The following TERF2 variants were observed in gnomAD, a reference collection of about 807,000 sequenced individuals.
TERF2 encodes the protein telomeric repeat-binding factor 2.
A neutral mutation model predicts 56.1 loss-of-function variants in TERF2; 16 were observed. The ratio of observed to expected loss-of-function variants is 0.29; its 90% CI spans 0.19 to 0.43. TERF2 has a LOEUF of 0.43. Ranked by LOEUF, TERF2 falls within the 20% of genes least tolerant of loss-of-function variation. TERF2 has a pLI of 1.00. For missense variants in TERF2, 547 were observed against 712.9 expected, an observed-to-expected ratio of 0.77 and a Z score of 2.65; for synonymous variants, 296 against 282.1, an observed-to-expected ratio of 1.05 and a Z score of -0.50.
At chr16:69,373,420 T>C (rs2013650164) in intron 3 of TERF2, among the ~76,000 whole-genome samples, 2 of 152,104 alleles carry the variant, frequency 1.3e-5, no homozygotes, top group Non-Finnish European at 1.5e-5. Context: ...TTTTAAAAAT[T>C]AGAAAAGCCA....
chr16:69,368,690 T>G lies in TERF2; in HGVS notation c.841-208A>C, dbSNP rs1032422492. The G allele has an allele frequency of 2.3e-6, 3 of 1,308,850 alleles. No homozygotes were observed. The African/African-American group carries it at 4.4e-5, about 19-fold the overall frequency. The allele number at this position is 1,308,850 out of a possible 1,614,324, so 81.1% of individuals were successfully genotyped here. The stretch of plus-strand genomic sequence containing the variant: ...CAAACTTAAGATAACTAATACATTT[T>G]TTTTGAGAGGGAGTCTTGCTCTGTC... On this transcript the variant is annotated intron_variant, in intron 5 of 9. Coordinates refer to ENST00000254942, the MANE Select transcript of TERF2 (RefSeq NM_005652.5).
intron 3 of TERF2, 55 bp downstream of exon 3, chr16:69,384,525 C>A: frequency 6.3e-7 from 1 of 1,586,298 alleles, no homozygotes; most frequent in Admixed American, 1.8e-5. Context: ...GTGCTGTATC[C>A]TCAAAGACCC....
chr16:69,383,526 C>A (rs999317765), intron 3 of TERF2, among the ~76,000 whole-genome samples: 1 of 152,232 alleles, frequency 6.6e-6, no homozygotes, highest in Non-Finnish European at 1.5e-5. Context: ...CAACCTAAAC[C>A]TGATTTTCCT....
chr16:69,362,406 G>C (rs953327708), intron 7 of TERF2, among the ~76,000 whole-genome samples: 1 of 152,084 alleles, frequency 6.6e-6, no homozygotes. Flanking sequence ...CCCCTAACCA[G>C]GACCGCCTCG....
intron 3 of TERF2, 22 bp from the exon 4 acceptor site, chr16:69,372,377 T>C: frequency 6.6e-7 from 1 of 1,508,700 alleles, no homozygotes; most frequent in Non-Finnish European, 9.1e-7. Flanking sequence ...GGGAAAAATC[T>C]TTTTTTACTT....
intron 2 of TERF2, 43 bp downstream of exon 2, chr16:69,385,348 C>G: frequency 1.3e-6 from 2 of 1,538,406 alleles, no homozygotes; most frequent in Non-Finnish European, 1.8e-6. Flanking sequence ...AAAACAAAAC[C>G]CTACGCAAGT....
intron 3 of TERF2, among the ~76,000 whole-genome samples, chr16:69,379,062 T>C (rs2142760571): frequency 6.6e-6 from 1 of 152,178 alleles, no homozygotes; most frequent in East Asian, 1.9e-4. Context: ...GTATAAGCAA[T>C]ATCAATGGTC....
At chr16:69,366,654 G>A (rs139106154) in intron 7 of TERF2, 153 bp downstream of exon 7, 85 of 1,022,292 alleles carry the variant, frequency 8.3e-5, no homozygotes, top group African/African-American at 8.1e-4. Flanking sequence ...TGGCTACGTC[G>A]TCACTGGCCA....
intron 3 of TERF2, among the ~76,000 whole-genome samples, chr16:69,376,638 G>T (rs1010588889): frequency 6.7e-6 from 1 of 149,308 alleles, no homozygotes; most frequent in Non-Finnish European, 1.5e-5. Context: ...TTGAGCCCAG[G>T]AGTTCAAGAC....
At position 69,385,821 on chromosome 16, in the gene TERF2, C is replaced by T; in HGVS notation, c.151G>A (p.Asp51Asn). 2 of 1,325,858 alleles carry T rather than the reference C, an allele frequency of 1.5e-6. No homozygotes were observed. Among genetic ancestry groups the T allele is most frequent in the Non-Finnish European group, 1.9e-6 (2 of 1,036,960 alleles). The allele number at this position is 1,325,858 out of a possible 1,614,324, so 82.1% of individuals were successfully genotyped here. A position where few individuals can be genotyped will look rare whatever the true frequency, so the allele number is the denominator to read the frequency against. Residue 51 changes from aspartate to asparagine, a missense_variant, in exon 1 of 10, where the codon GAC (aspartate) becomes AAC (asparagine). Around this residue, in one of 6 missense-constraint regions of TERF2, gnomAD observed 120 missense variants for 172.4 expected, o/e 0.70. Coordinates refer to ENST00000254942, the MANE Select transcript of TERF2 (RefSeq NM_005652.5). ...DTMAGGGGSS[D>N]GSGRAAGRRA... ...CTGCCAGCTGCCCGCCCGCTGCCGT[C>T]GCTACTCCCGCCTCCTCCCGCCATC...
intron 7 of TERF2, chr16:69,365,683 G>A (rs113863404): frequency 0.023 from 3,564 of 152,354 alleles, 79 homozygotes; most frequent in Admixed American, 0.036. Flanking sequence ...CCACCACCAC[G>A]CCTGGCGAAT....
intron 3 of TERF2, among the ~76,000 whole-genome samples, chr16:69,376,632 G>C (rs1478729411): frequency 6.7e-6 from 1 of 150,012 alleles, no homozygotes; most frequent in African/African-American, 2.5e-5. Context: ...CGTCACTTGA[G>C]CCCAGGAGTT....
intron 7 of TERF2, among the ~76,000 whole-genome samples, chr16:69,363,600 G>T (rs545889608): frequency 6.6e-6 from 1 of 152,296 alleles, no homozygotes; most frequent in East Asian, 1.9e-4. Context: ...GCTACAGTCT[G>T]GCTGCTGCGG....
intron 8 of TERF2, 134 bp downstream of exon 8, chr16:69,361,270 T>A: frequency 1.5e-6 from 1 of 681,842 alleles, no homozygotes; most frequent in African/African-American, 1.8e-5. Context: ...CTTCATGAAT[T>A]AAAATGAGAT....
chr16:69,379,138 T>C (rs936666966), intron 3 of TERF2, among the ~76,000 whole-genome samples: 14 of 152,202 alleles, frequency 9.2e-5, no homozygotes, highest in African/African-American at 3.4e-4. Flanking sequence ...GGTAGGTTTA[T>C]GTTGGGAAGA....
chr16:69,381,937 C>T (rs956413350), intron 3 of TERF2, among the ~76,000 whole-genome samples: 1 of 151,992 alleles, frequency 6.6e-6, no homozygotes, highest in Non-Finnish European at 1.5e-5. Context: ...CTGTGACTAA[C>T]ATTCTTAATT....
intron 3 of TERF2, among the ~76,000 whole-genome samples, chr16:69,378,174 G>T (rs2013863389): frequency 6.6e-6 from 1 of 152,102 alleles, no homozygotes; most frequent in Admixed American, 6.5e-5. Context: ...CTCTTAATAT[G>T]GTGGACTACA....
At chr16:69,384,777 T>C in intron 2 of TERF2, 67 bp from the exon 3 acceptor site, 1 of 1,289,388 alleles carries the variant, frequency 7.8e-7, no homozygotes, top group Non-Finnish European at 1.0e-6. Context: ...GTCCAAAAAT[T>C]ATATATATAT....
intron 3 of TERF2, among the ~76,000 whole-genome samples, chr16:69,382,118 C>G (rs1044901012): frequency 6.6e-6 from 1 of 152,202 alleles, no homozygotes; most frequent in Non-Finnish European, 1.5e-5. Context: ...TTTGGTTCTG[C>G]TTATGAAAAC....
Sources: allele counts gnomAD v4.1 joint callset (sites outside exome capture counted in the v4.1 genomes callset), GRCh38; gene constraint gnomAD v4.1.1; regional missense constraint gnomAD v4.1.1; transcripts MANE v1.5; gene names NCBI Gene and HGNC (gene_info 2026-07-23, HGNC 2026-07-21).